The following RELN variants were observed in gnomAD, a reference collection of about 807,000 sequenced individuals.
The protein encoded by RELN is reelin.
RELN carries 108 observed loss-of-function variants against 427.6 expected under a neutral mutation model. The ratio of observed to expected loss-of-function variants is 0.25; its 90% CI spans 0.22 to 0.30. RELN has a LOEUF of 0.30. Among genes scored for constraint, RELN ranks in the 10% least tolerant of loss-of-function variants. The pLI is 1.00. For missense variants in RELN, 3,715 were observed against 4,302.8 expected (o/e 0.86, Z 3.82); for synonymous variants, 1,524 against 1,513.4 (o/e 1.01, Z -0.16).
chr7:103,924,747 CCA>C (rs1037949336), intron 1 of RELN, among the ~76,000 whole-genome samples: 15 of 151,974 alleles, frequency 9.9e-5, no homozygotes, highest in South Asian at 6.2e-4. Context: ...AAAAGGAAAT[CCA>C]CTGAAATTTT....
At position 103,620,879 on chromosome 7, in the gene RELN, T is replaced by C. The variant is rs1289438268; in HGVS notation, c.2702+9061A>G. 6.6e-6 allele frequency among the ~76,000 whole-genome samples: 1 copy of C among 152,130 alleles called. No individual in the cohort carries two copies. Among genetic ancestry groups the C allele is most frequent in the Non-Finnish European group, 1.5e-5 (1 of 68,018 alleles). ...CTCCTCTATTTCCTTGAACATCACT[T>C]CCTTTTAGAACAGAACACACTGGTT... On this transcript the variant is annotated intron_variant, in intron 20 of 64. Transcript: ENST00000428762. This position sits in a 1 kb window ranked among gnomAD's most constrained non-coding sequence, Gnocchi z 4.1.
intron 1 of RELN, among the ~76,000 whole-genome samples, chr7:103,943,066 G>A (rs1279636090): frequency 1.3e-5 from 2 of 152,158 alleles, no homozygotes; most frequent in Non-Finnish European, 2.9e-5. Flanking sequence ...AGAAATAAGT[G>A]TACACTTAAA....
chr7:103,653,969 C>A (rs61299911), intron 13 of RELN, 124 bp downstream of exon 13: 1 of 701,056 alleles, frequency 1.4e-6, no homozygotes, highest in Non-Finnish European at 2.6e-6. Context: ...AGAAACCTGG[C>A]GACCTCTGGC....
chr7:103,906,908 T>A (rs186911499), intron 2 of RELN, among the ~76,000 whole-genome samples: 23 of 152,260 alleles, frequency 1.5e-4, no homozygotes, highest in African/African-American at 5.1e-4. Flanking sequence ...CGGATGAATA[T>A]CTAAGGAATG....
chr7:103,574,888 T>G (rs1830963053), intron 29 of RELN, among the ~76,000 whole-genome samples: 1 of 152,250 alleles, frequency 6.6e-6, no homozygotes. Context: ...GCTCTTTTCA[T>G]TTTTGCTTGC....
chr7:103,870,663 A>C (rs951674570), intron 2 of RELN, among the ~76,000 whole-genome samples: 2 of 152,122 alleles, frequency 1.3e-5, no homozygotes, highest in African/African-American at 4.8e-5. Context: ...GTACTAACCT[A>C]ATCTTTTCAC....
At chr7:103,909,701 A>T (rs1450690969) in intron 2 of RELN, among the ~76,000 whole-genome samples, 2 of 50,974 alleles carry the variant, frequency 3.9e-5, no homozygotes, top group African/African-American at 2.5e-4. Context: ...ATATATATTT[A>T]ATATATATAA....
Position 103,523,487 on chromosome 7 carries a change from T to C in RELN, c.7394A>G (p.Asp2465Gly), listed in dbSNP as rs1317653357. ...RFRWHQPAPF[D>G]KQQTWAIDNV... ...ATCTATTGCCCATGTCTGCTGCTTG[T>C]CAAAAGGAGCTGGTTGATGCCAACG... The change falls in exon 47 of 65, where the codon GAC (aspartate) becomes GGC (glycine). Residue 2465 changes from aspartate to glycine, a missense_variant. Transcript: ENST00000428762. 15 of 1,613,778 alleles carry C rather than the reference T, an allele frequency of 9.3e-6. No homozygotes were observed. The Admixed American group carries it at 2.5e-4, about 27-fold the overall frequency.
chr7:103,786,972 T>C (rs1792033702), intron 3 of RELN, among the ~76,000 whole-genome samples: 1 of 151,810 alleles, frequency 6.6e-6, no homozygotes, highest in African/African-American at 2.4e-5. Context: ...CCTCAGCAAA[T>C]GGAAAAGAAA....
At chr7:103,584,240 T>C (rs1332722020) in intron 28 of RELN, among the ~76,000 whole-genome samples, 1 of 152,192 alleles carries the variant, frequency 6.6e-6, no homozygotes, top group Non-Finnish European at 1.5e-5. Context: ...CGTAATGGGC[T>C]AAATCCTCAA....
chr7:103,530,704 C>T (rs1829919680), intron 46 of RELN, among the ~76,000 whole-genome samples: 1 of 152,144 alleles, frequency 6.6e-6, no homozygotes, highest in Admixed American at 6.5e-5. Context: ...GCACTGTCCA[C>T]ATTGTTCCCC....
At chr7:103,912,071 C>A (rs975706700) in intron 2 of RELN, among the ~76,000 whole-genome samples, 3 of 151,960 alleles carry the variant, frequency 2.0e-5, no homozygotes, top group Admixed American at 2.0e-4. Flanking sequence ...ATGTTAATTG[C>A]TTAATCTCTA....
In RELN at chr7:103,472,907, T is replaced by G. The variant is rs1392502152; in HGVS notation, c.10288A>C (p.Thr3430Pro). 6 of 1,613,002 alleles carry G rather than the reference T, an allele frequency of 3.7e-6. No individual in the cohort carries two copies. In the Admixed American group the frequency reaches 8.3e-5, roughly 22 times the overall value. The change falls in exon 65 of 65, where the codon ACT (threonine) becomes CCT (proline). Residue 3430 changes from threonine to proline, a missense_variant and splice_region_variant. By Grantham distance (38) the Thr-to-Pro change is conservative. Transcript: ENST00000428762. ...TTCATCATGTAATTTTGTTTGCGAGTGCTGTTAAAATCAAACAGGATAGAG... is the reference window on the plus strand; with the variant it reads ...TTCATCATGTAATTTTGTTTGCGAGGGCTGTTAAAATCAAACAGGATAGAG... ...LDHVEVVLVS[T>P]RKQNYMMNFS...
At chr7:103,737,950 G>A (rs79796400) in intron 6 of RELN, among the ~76,000 whole-genome samples, 7,605 of 151,906 alleles carry the variant, frequency 0.05, 259 homozygotes, top group Non-Finnish European at 0.074. Flanking sequence ...TTTATTTGTG[G>A]CTTTCTTGAT....
intron 37 of RELN, 59 bp from the exon 38 acceptor site, chr7:103,557,218 G>C: frequency 7.3e-7 from 1 of 1,371,650 alleles, no homozygotes; most frequent in East Asian, 2.3e-5. Flanking sequence ...GAAATGGTAT[G>C]TTCTTAGCTG....
intron 2 of RELN, among the ~76,000 whole-genome samples, chr7:103,872,013 A>AATATATAT (rs780607319): frequency 4.3e-5 from 5 of 115,056 alleles, no homozygotes; most frequent in African/African-American, 1.7e-4. Flanking sequence ...ACAGTATATG[A>AATATATAT]ATATATATAT....
chr7:103,811,965 T>C (rs1459224569), intron 3 of RELN, among the ~76,000 whole-genome samples: 1 of 152,240 alleles, frequency 6.6e-6, no homozygotes, highest in African/African-American at 2.4e-5. Context: ...AGCATTTCTA[T>C]AAAGAATAAG....
In RELN at chr7:103,873,556, C is replaced by A. The variant is rs1231124286; in HGVS notation, c.338-39884G>T. 1.6e-4 allele frequency among the ~76,000 whole-genome samples: 7 copies of A among 44,984 alleles called. 2 individuals carry two copies. Among genetic ancestry groups the A allele is most frequent in the Non-Finnish European group, 2.6e-4 (5 of 19,386 alleles). The allele number at this position is 44,984 out of a possible 152,430, so 29.5% of individuals were successfully genotyped here. On this transcript the variant is annotated intron_variant, in intron 2 of 64. Transcript: ENST00000428762. ...CCGATCCCTCAGAAATACAAACTAC[C>A]ATCAGAGAATACTACAAACACCTCT...
At chr7:103,700,519 T>C (rs1834067619) in intron 9 of RELN, among the ~76,000 whole-genome samples, 1 of 152,142 alleles carries the variant, frequency 6.6e-6, no homozygotes, top group African/African-American at 2.4e-5. Context: ...TAACTCAATA[T>C]CATCACAGAC....
Sources: gnomAD v4.1 joint callset for allele counts (sites outside exome capture counted in the v4.1 genomes callset) on GRCh38, gnomAD v4.1.1 for gene constraint, Gnocchi (gnomAD v3.1) non-coding constraint, MANE v1.5 for transcripts, NCBI Gene and HGNC (gene_info 2026-07-23, HGNC 2026-07-21) for gene names.